Variants in ADAMTSL1 observed in about 807,000 individuals in gnomAD.
The protein encoded by ADAMTSL1 is ADAMTS like 1.
In ADAMTSL1, 126 loss-of-function variants were observed where a neutral mutation model predicts 201.8. That is an observed-to-expected ratio of 0.62 (90% confidence interval 0.54 to 0.72). ADAMTSL1 has a LOEUF of 0.72. Ranked by LOEUF, ADAMTSL1 falls within the 30% of genes least tolerant of loss-of-function variation. The pLI, the probability that ADAMTSL1 is intolerant of heterozygous loss-of-function variation, is 0.00. For synonymous variants in ADAMTSL1, 1,121 were observed against 903.4 expected (o/e 1.24, Z -4.32); for missense variants, 2,679 against 2,277.8 (o/e 1.18, Z -3.59).
chr9:18,380,912 C>G (rs10733352), intron 2 of ADAMTSL1, among the ~76,000 whole-genome samples: 107,163 of 152,128 alleles, frequency 0.7, 38,195 homozygotes, highest in East Asian at 0.93. Context: ...CCAAAGAGAA[C>G]CCTTTATGCT....
intron 1 of ADAMTSL1, among the ~76,000 whole-genome samples, chr9:18,077,866 G>A (rs1000881146): frequency 4.6e-5 from 7 of 152,174 alleles, no homozygotes; most frequent in Non-Finnish European, 8.8e-5. Context: ...TTTTATGCAG[G>A]AGTTGTCTTT....
chr9:17,940,835 C>G (rs1827213212), intron 1 of ADAMTSL1, among the ~76,000 whole-genome samples: 1 of 86,558 alleles, frequency 1.2e-5, no homozygotes, highest in African/African-American at 4.5e-5. Flanking sequence ...GAAATAACGA[C>G]TCGTCATGTC....
chr9:18,260,606 C>T (rs1010509867), intron 2 of ADAMTSL1, among the ~76,000 whole-genome samples: 3 of 152,234 alleles, frequency 2.0e-5, no homozygotes, highest in African/African-American at 7.2e-5. Flanking sequence ...GGCTGGCCCT[C>T]CCTGCTAATG....
At chr9:18,046,689 A>T (rs969078395) in intron 1 of ADAMTSL1, among the ~76,000 whole-genome samples, 5 of 152,194 alleles carry the variant, frequency 3.3e-5, no homozygotes, top group Non-Finnish European at 7.3e-5. Context: ...AATAATAATT[A>T]TACAATCTAC....
intron 3 of ADAMTSL1, among the ~76,000 whole-genome samples, chr9:18,572,173 A>G (rs919936618): frequency 1.5e-4 from 23 of 151,440 alleles, no homozygotes; most frequent in African/African-American, 4.4e-4. Context: ...CCACCCGGGG[A>G]GACAGAGCGA....
chr9:18,664,912 A>C (rs1404923569), intron 9 of ADAMTSL1, among the ~76,000 whole-genome samples: 3 of 152,042 alleles, frequency 2.0e-5, no homozygotes, highest in Non-Finnish European at 2.9e-5. Context: ...TTTGTTTTAT[A>C]TATTTTAAAG....
intron 20 of ADAMTSL1, among the ~76,000 whole-genome samples, chr9:18,800,117 C>T (rs1822690436): frequency 6.6e-6 from 1 of 152,078 alleles, no homozygotes; most frequent in Non-Finnish European, 1.5e-5. Flanking sequence ...TGGCTCATGC[C>T]TGTAATCCCA....
chr9:18,893,033 T>C (rs1337349473), intron 26 of ADAMTSL1, among the ~76,000 whole-genome samples: 3 of 151,612 alleles, frequency 2.0e-5, no homozygotes, highest in African/African-American at 7.3e-5. Context: ...CCCAGGTAAG[T>C]TGAAGCTACC....
chr9:18,603,778 C>A (rs1388376791), intron 4 of ADAMTSL1, among the ~76,000 whole-genome samples: 1 of 152,134 alleles, frequency 6.6e-6, no homozygotes, highest in East Asian at 1.9e-4. Context: ...AATACATTCA[C>A]GTTGTTGTGC....
chr9:18,571,318 A>G (rs1322775328), intron 3 of ADAMTSL1, among the ~76,000 whole-genome samples: 1 of 152,196 alleles, frequency 6.6e-6, no homozygotes. Context: ...GACCCTTCTA[A>G]CTGTTTCACT....
intron 2 of ADAMTSL1, among the ~76,000 whole-genome samples, chr9:18,181,692 C>A (rs1037424824): frequency 6.6e-6 from 1 of 151,974 alleles, no homozygotes; most frequent in Non-Finnish European, 1.5e-5. Flanking sequence ...GTTGGTGGGA[C>A]TGTAAACTAG....
chr9:18,599,254 C>G (rs773819876), intron 4 of ADAMTSL1, among the ~76,000 whole-genome samples: 5 of 152,174 alleles, frequency 3.3e-5, no homozygotes, highest in Admixed American at 6.5e-5. Context: ...CAAGGATTTG[C>G]TTTGCTTGGG....
At chr9:18,367,759 A>G (rs1050238503) in intron 2 of ADAMTSL1, among the ~76,000 whole-genome samples, 1 of 152,158 alleles carries the variant, frequency 6.6e-6, no homozygotes, top group Admixed American at 6.5e-5. Context: ...TTACACATTT[A>G]TCGGCACAGA....
At chr9:18,400,033 T>C (rs1349946977) in intron 2 of ADAMTSL1, among the ~76,000 whole-genome samples, 4 of 152,212 alleles carry the variant, frequency 2.6e-5, no homozygotes, top group African/African-American at 9.6e-5. Flanking sequence ...ATGAGTGCTT[T>C]ACTTTCCAAT....
chr9:18,315,248 A>G (rs188699928), intron 2 of ADAMTSL1, among the ~76,000 whole-genome samples: 6 of 152,274 alleles, frequency 3.9e-5, no homozygotes, highest in African/African-American at 1.4e-4. Flanking sequence ...TGGTGCATTT[A>G]CAATCCTCCA....
chr9:18,443,276 C>G (rs1411768886), intron 2 of ADAMTSL1, among the ~76,000 whole-genome samples: 2 of 152,174 alleles, frequency 1.3e-5, no homozygotes, highest in Admixed American at 6.5e-5. Context: ...TTCTAGCTTT[C>G]CTGTTGCTGA....
rs1380122098 is a variant in ADAMTSL1 at position 18,909,260 on chromosome 9, A to C, written c.*712A>C. 2 of 153,050 alleles carry C rather than the reference A, an allele frequency of 1.3e-5. No individual in the cohort carries two copies. Among genetic ancestry groups the C allele is most frequent in the African/African-American group, 4.8e-5 (2 of 41,472 alleles). The allele number at this position is 153,050 out of a possible 1,614,324, so 9.5% of individuals were successfully genotyped here. ...AGCCTGTGGTGTTCCCCAGTGGGGC[A>C]GGGTGAGCAGGGGCTTCCAGGCTGC... On this transcript the variant is annotated 3_prime_UTR_variant, in exon 29 of 29. Coordinates refer to ENST00000380548, the MANE Select transcript of ADAMTSL1 (RefSeq NM_001040272.6).
chr9:18,410,678 A>G (rs897440509), intron 2 of ADAMTSL1, among the ~76,000 whole-genome samples: 6 of 152,194 alleles, frequency 3.9e-5, no homozygotes, highest in Admixed American at 3.3e-4. Context: ...GCTACAATGA[A>G]CAAACATATA....
At chr9:18,244,493 G>T (rs1831185468) in intron 2 of ADAMTSL1, among the ~76,000 whole-genome samples, 1 of 151,924 alleles carries the variant, frequency 6.6e-6, no homozygotes, top group African/African-American at 2.4e-5. Context: ...TGGCTCCTCT[G>T]CTGCAGCCAA....
Sources: gnomAD v4.1 joint callset for allele counts (sites outside exome capture counted in the v4.1 genomes callset) on GRCh38, gnomAD v4.1.1 for gene constraint, MANE v1.5 for transcripts, NCBI Gene and HGNC (gene_info 2026-07-23, HGNC 2026-07-21) for gene names.